PDE1A: variants seen among roughly 807,000 people sequenced by gnomAD.
PDE1A encodes the protein dual specificity calcium/calmodulin-dependent 3',5'-cyclic nucleotide phosphodiesterase 1A.
A neutral mutation model predicts 61.7 loss-of-function variants in PDE1A; 35 were observed. The observed-to-expected ratio is 0.57, with a 90% confidence interval of 0.43 to 0.75. The LOEUF is 0.75. Among genes scored for constraint, PDE1A ranks in the 30% least tolerant of loss-of-function variants. The pLI is 0.00. For missense variants in PDE1A, 597 were observed against 630.6 expected (o/e 0.95, Z 0.57); for synonymous variants, 232 against 213.2 (o/e 1.09, Z -0.77).
the PDE1A span, among the ~76,000 whole-genome samples, chr2:182,608,645 G>A: frequency 6.6e-6 from 1 of 152,212 alleles, no homozygotes; most frequent in East Asian, 1.9e-4. Context: ...TCCCCACAGG[G>A]CAGGGCTCGG....
the PDE1A span, among the ~76,000 whole-genome samples, chr2:182,627,294 T>A: frequency 1.0e-5 from 1 of 98,186 alleles, no homozygotes; most frequent in African/African-American, 4.0e-5. Flanking sequence ...TATAAATATA[T>A]ATTATATATA....
chr2:182,207,112 G>A (rs1229129152), intron 7 of PDE1A, among the ~76,000 whole-genome samples: 2 of 152,182 alleles, frequency 1.3e-5, no homozygotes, highest in Non-Finnish European at 2.9e-5. Context: ...TTTGGAACTG[G>A]GTAATGGGCA....
the PDE1A span, among the ~76,000 whole-genome samples, chr2:182,697,533 C>T: frequency 3.3e-5 from 5 of 152,174 alleles, no homozygotes; most frequent in Non-Finnish European, 7.3e-5. Flanking sequence ...ACAGAGAGGC[C>T]CCTCTCCATA....
chr2:182,480,692 C>A (rs1430841883), intron 2 of PDE1A, among the ~76,000 whole-genome samples: 3 of 151,920 alleles, frequency 2.0e-5, no homozygotes, highest in Non-Finnish European at 4.4e-5. Flanking sequence ...AATACTATGA[C>A]ACTTTATATA....
At chr2:182,560,745 T>G in the PDE1A span, among the ~76,000 whole-genome samples, 1 of 152,014 alleles carries the variant, frequency 6.6e-6, no homozygotes, top group African/African-American at 2.4e-5. Flanking sequence ...GACTTTTTAA[T>G]GATTGCCATT....
At chr2:182,521,599 T>A (rs1178044860) in intron 2 of PDE1A, among the ~76,000 whole-genome samples, 2 of 152,066 alleles carry the variant, frequency 1.3e-5, no homozygotes, top group Admixed American at 1.3e-4. Context: ...AGCATTGCAA[T>A]TAACGTCTGA....
chr2:182,451,393 A>T (rs1407612395), intron 2 of PDE1A, among the ~76,000 whole-genome samples: 1 of 17,956 alleles, frequency 5.6e-5, no homozygotes, highest in Admixed American at 4.8e-4. Flanking sequence ...AAAAAAAAAA[A>T]AAAAAATATT....
At chr2:182,465,629 T>C (rs1038233805) in intron 2 of PDE1A, among the ~76,000 whole-genome samples, 1 of 152,094 alleles carries the variant, frequency 6.6e-6, no homozygotes, top group Non-Finnish European at 1.5e-5. Flanking sequence ...ATATTAACCT[T>C]AAAATATGTT....
intron 1 of PDE1A, among the ~76,000 whole-genome samples, chr2:182,282,554 C>T (rs1693879988): frequency 6.6e-6 from 1 of 152,032 alleles, no homozygotes; most frequent in African/African-American, 2.4e-5. Context: ...GCATGCAACA[C>T]ACTCAAACAT....
intron 1 of PDE1A, among the ~76,000 whole-genome samples, chr2:182,332,690 G>T (rs1047951126): frequency 7.9e-5 from 12 of 152,286 alleles, no homozygotes; most frequent in South Asian, 4.1e-4. Flanking sequence ...GAACAGCAAA[G>T]ATTGCAGCCT....
chr2:182,470,594 T>C (rs1038181371), intron 2 of PDE1A, among the ~76,000 whole-genome samples: 1 of 151,804 alleles, frequency 6.6e-6, no homozygotes, highest in Non-Finnish European at 1.5e-5. Flanking sequence ...CAGGAAGCTA[T>C]ATATTCAAAG....
the PDE1A span, among the ~76,000 whole-genome samples, chr2:182,703,355 C>T: frequency 4.6e-5 from 7 of 152,122 alleles, no homozygotes; most frequent in African/African-American, 1.7e-4. Context: ...TAAAAGAGTT[C>T]TGATTCTAAT....
At chr2:182,268,203 G>A (rs957800158) in intron 1 of PDE1A, among the ~76,000 whole-genome samples, 1 of 151,954 alleles carries the variant, frequency 6.6e-6, no homozygotes, top group Non-Finnish European at 1.5e-5. Flanking sequence ...CCAGAAAATT[G>A]TGGATGAGGA....
chr2:182,654,628 C>A, the PDE1A span, among the ~76,000 whole-genome samples: 5 of 152,034 alleles, frequency 3.3e-5, no homozygotes, highest in African/African-American at 1.2e-4. Context: ...TGCTTTAAGT[C>A]CTTTTGGGGC....
chr2:182,613,619 G>T, the PDE1A span, among the ~76,000 whole-genome samples: 1 of 151,992 alleles, frequency 6.6e-6, no homozygotes, highest in South Asian at 2.1e-4. Context: ...TTTATACAGG[G>T]TTCCATTGAA....
chr2:182,189,207 T>C, intron 10 of PDE1A, 147 bp from the exon 11 acceptor site: 1 of 504,646 alleles, frequency 2.0e-6, no homozygotes, highest in Non-Finnish European at 3.5e-6. Flanking sequence ...AAAGCTATGG[T>C]CCAAGTTTAT....
At chr2:182,212,914 C>T (rs954021838) in intron 7 of PDE1A, among the ~76,000 whole-genome samples, 6 of 151,786 alleles carry the variant, frequency 4.0e-5, no homozygotes, top group Non-Finnish European at 8.8e-5. Context: ...TGGAGCCCAC[C>T]ACAGCTCAAG....
chr2:182,146,766 G>A (rs1400819777), downstream of PDE1A, among the ~76,000 whole-genome samples: 1 of 152,174 alleles, frequency 6.6e-6, no homozygotes, highest in Admixed American at 6.5e-5. Flanking sequence ...CTACAGGCAT[G>A]AGCCACTGTG....
chr2:182,151,407 C>G (rs1009183876), intron 13 of PDE1A, among the ~76,000 whole-genome samples: 1 of 152,116 alleles, frequency 6.6e-6, no homozygotes, highest in Non-Finnish European at 1.5e-5. Flanking sequence ...GCCCTGCCCC[C>G]CTCACAGCAA....
Sources: gnomAD v4.1 joint callset for allele counts (sites outside exome capture counted in the v4.1 genomes callset) on GRCh38, gnomAD v4.1.1 for gene constraint, MANE v1.5 for transcripts, NCBI Gene and HGNC (gene_info 2026-07-23, HGNC 2026-07-21) for gene names.